Variants in CYP2A6 observed in about 807,000 individuals in gnomAD.
CYP2A6 encodes the protein cytochrome P450 2A6.
CYP2A6 carries 27 observed loss-of-function variants against 42.3 expected under a neutral mutation model. That is an observed-to-expected ratio of 0.64 (90% confidence interval 0.47 to 0.88). CYP2A6 has a LOEUF of 0.88. Among genes scored for constraint, CYP2A6 ranks in the 40% least tolerant of loss-of-function variants. CYP2A6 has a pLI of 0.00. For missense variants in CYP2A6, 628 were observed against 646.0 expected (o/e 0.97, Z 0.30); for synonymous variants, 238 against 246.3 (o/e 0.97, Z 0.31).
In CYP2A6 at chr19:40,845,500, T is replaced by C; in HGVS notation, c.974-19A>G. 1 of 1,610,676 alleles carries C rather than the reference T, an allele frequency of 6.2e-7. No homozygotes were observed. The highest frequency in any genetic ancestry group is 8.5e-7 in the Non-Finnish European group (1 of 1,179,244). ...ACCTTGGCTGGGGGAGGAGGGGGAA[T>C]GTGTTTAGGTATCTAGGGGTCTCAG... On this transcript the variant is annotated intron_variant, in intron 6 of 8. Coordinates refer to ENST00000301141, the MANE Select transcript of CYP2A6 (RefSeq NM_000762.6).
At chr19:40,844,087 T>G in intron 8 of CYP2A6, 110 bp from the exon 9 acceptor site, 1 of 1,474,072 alleles carries the variant, frequency 6.8e-7, no homozygotes, top group Non-Finnish European at 9.0e-7. Context: ...TGGAATATTA[T>G]GGCCTGAGAG....
intron 7 of CYP2A6, 62 bp from the exon 8 acceptor site, chr19:40,844,834 G>C: frequency 6.4e-7 from 1 of 1,554,642 alleles, no homozygotes; most frequent in South Asian, 1.2e-5. Flanking sequence ...AAAGTACACA[G>C]GGGCTGGAGG....
chr19:40,844,608 G>A (rs1365909729), intron 8 of CYP2A6, 23 bp downstream of exon 8: 1 of 1,611,196 alleles, frequency 6.2e-7, no homozygotes, highest in South Asian at 1.1e-5. Flanking sequence ...GCCGTGGCCT[G>A]GCAGCAAACA....
Position 40,845,850 on chromosome 19 carries a change from T to G in CYP2A6, c.973+106A>C, listed in dbSNP as rs537139773. 1.5e-4 allele frequency: 225 copies of G among 1,508,166 alleles called. 5 individuals carry two copies. The highest frequency in any genetic ancestry group is 7.0e-4 in the East Asian group (29 of 41,488). 93.4% of individuals were successfully genotyped at this position (1,508,166 alleles called of 1,614,324 possible). On this transcript the variant is annotated intron_variant, in intron 6 of 8. Coordinates refer to ENST00000301141, the MANE Select transcript of CYP2A6 (RefSeq NM_000762.6). Reference sequence around the variant, plus strand: ...TGTTGCCCTGTCTCTGGACAGCAAGTCACGTCTCAGGGTCCCGGGATCTGG... The same window carrying G: ...TGTTGCCCTGTCTCTGGACAGCAAGGCACGTCTCAGGGTCCCGGGATCTGG...
chr19:40,849,709 G>A (rs947362279), intron 2 of CYP2A6, 109 bp downstream of exon 2: 47 of 1,553,026 alleles, frequency 3.0e-5, no homozygotes, highest in Non-Finnish European at 4.0e-5. Flanking sequence ...AGACCAGACT[G>A]GGGACTCTGC....
rs1455643059 is a variant in CYP2A6, at chr19:40,844,675, T to A, written c.1259A>T (p.Lys420Met). The A allele has an allele frequency of 8.1e-6, 13 of 1,611,576 alleles. 1 individual carries two copies. In the African/African-American group the frequency reaches 1.1e-4, roughly 13 times the overall value. ...DFNPQHFLNE[K>M]GQFKKSDAFV... ...AGCATCACTCTTCTTAAACTGCCCC[T>A]TCTCATTCAGGAAGTGCTGGGGATT... The change falls in exon 8 of 9, where the codon AAG becomes ATG. Residue 420 changes from lysine to methionine, a missense_variant. Around this residue, in one of 2 missense-constraint regions of CYP2A6, gnomAD observed 606 missense variants for 568.1 expected, o/e 1.07. Transcript: ENST00000301141.
At position 40,844,806 on chromosome 19, in the gene CYP2A6, A is replaced by C. The variant is rs565746276; in HGVS notation, c.1162-34T>G. On this transcript the variant is annotated intron_variant, in intron 7 of 8. Coordinates refer to ENST00000301141, the MANE Select transcript of CYP2A6 (RefSeq NM_000762.6). Reference sequence around the variant, plus strand: ...GAGGAGGAAGTTGTGTGTGATGAGGAGGGTCGGGGGATTGGTGAAAGTACA... The same window carrying C: ...GAGGAGGAAGTTGTGTGTGATGAGGCGGGTCGGGGGATTGGTGAAAGTACA... 1.6e-4 allele frequency: 251 copies of C among 1,589,934 alleles called. 3 individuals carry two copies. In the South Asian group the frequency reaches 1.6e-3, roughly 10 times the overall value.
Position 40,844,672 on chromosome 19 carries a change from C to T in CYP2A6, c.1262G>A (p.Gly421Glu). The T allele has an allele frequency of 6.2e-7, 1 of 1,611,630 alleles. No homozygotes were observed. The highest frequency in any genetic ancestry group is 8.5e-7 in the Non-Finnish European group (1 of 1,179,870). The change falls in exon 8 of 9, where the codon GGG (glycine) becomes GAG (glutamate). Residue 421 changes from glycine to glutamate, a missense_variant. Gly to Glu is a moderately conservative substitution (Grantham distance 98). Around this residue, in one of 2 missense-constraint regions of CYP2A6, gnomAD observed 606 missense variants for 568.1 expected, o/e 1.07. Coordinates refer to ENST00000301141, the MANE Select transcript of CYP2A6 (RefSeq NM_000762.6). ...AAAAGCATCACTCTTCTTAAACTGC[C>T]CCTTCTCATTCAGGAAGTGCTGGGG... The part of the protein sequence containing the change: ...FNPQHFLNEK[G>E]QFKKSDAFVP...
chr19:40,848,705 G>T lies in CYP2A6; in HGVS notation c.402C>A (p.Thr134=). The change falls in exon 3 of 9, where the codon ACC becomes ACA. Residue 134 remains threonine (T), a synonymous_variant. Coordinates refer to ENST00000301141, the MANE Select transcript of CYP2A6 (RefSeq NM_000762.6). The part of the protein sequence containing the change: ...AKQLRRFSIA[T]LRDFGVGKRG... ...GCTTGCCCACCCCGAAGTCCCGCAG[G>T]GTGGCGATGGAGAAGCGCCGGAGCT... 1 of 1,611,926 alleles carries T rather than the reference G, an allele frequency of 6.2e-7. No homozygotes were observed. Among genetic ancestry groups the T allele is most frequent in the Non-Finnish European group, 8.5e-7 (1 of 1,179,898 alleles).
At chr19:40,846,735 G>C in intron 5 of CYP2A6, 140 bp downstream of exon 5, 1 of 1,335,866 alleles carries the variant, frequency 7.5e-7, no homozygotes, top group Admixed American at 2.6e-5. Flanking sequence ...CAGGCTGTTA[G>C]CCACGGCACC....
At position 40,844,790 on chromosome 19, in the gene CYP2A6, G is replaced by A. The variant is rs1891537588; in HGVS notation, c.1162-18C>T. 1.2e-5 allele frequency: 20 copies of A among 1,606,012 alleles called. No individual in the cohort carries two copies. Among genetic ancestry groups the A allele is most frequent in the Non-Finnish European group, 1.7e-5 (20 of 1,176,704 alleles). The stretch of plus-strand genomic sequence containing the variant: ...TCGGTGCCCTGGTAGGGAGGAGGAA[G>A]TTGTGTGTGATGAGGAGGGTCGGGG... On this transcript the variant is annotated intron_variant, in intron 7 of 8. Coordinates refer to ENST00000301141, the MANE Select transcript of CYP2A6 (RefSeq NM_000762.6).
intron 4 of CYP2A6, 55 bp downstream of exon 4, chr19:40,848,164 G>C (rs1967132752): frequency 1.3e-6 from 2 of 1,600,002 alleles, no homozygotes; most frequent in Non-Finnish European, 1.7e-6. Context: ...TCCAGGTAGG[G>C]GAGCAGTTGG....
At chr19:40,847,799 T>C (rs1275936629) in intron 4 of CYP2A6, among the ~76,000 whole-genome samples, 1 of 151,578 alleles carries the variant, frequency 6.6e-6, no homozygotes, top group Non-Finnish European at 1.5e-5. Context: ...TGTGAAATGA[T>C]TATGATGGGC....
At chr19:40,845,123 T>C in intron 7 of CYP2A6, 171 bp downstream of exon 7, 1 of 775,510 alleles carries the variant, frequency 1.3e-6, no homozygotes, top group Non-Finnish European at 2.1e-6. Context: ...GATGCAGGAC[T>C]CAGGAGTGTC....
chr19:40,846,795 T>G, intron 5 of CYP2A6, 80 bp downstream of exon 5: 4 of 1,561,632 alleles, frequency 2.6e-6, no homozygotes, highest in Admixed American at 1.8e-5. Flanking sequence ...AATGGGCCTG[T>G]GTCATCTGCC....
Position 40,845,340 on chromosome 19 carries a change from C to T in CYP2A6, c.1115G>A (p.Arg372His), listed in dbSNP as rs145036049. The T allele has an allele frequency of 6.2e-5, 100 of 1,611,554 alleles. 5 individuals are homozygous for T. The highest frequency in any genetic ancestry group is 4.2e-4 in the African/African-American group (31 of 74,626). ...AAACTTGGTGTCCTTTTTGACTCTG[C>T]GGGCCAAACTCATGGGGATCACGTC... ...FGDVIPMSLA[R>H]RVKKDTKFRD... Residue 372 changes from arginine to histidine, a missense_variant, in exon 7 of 9, where the codon CGC (arginine) becomes CAC (histidine). This residue lies in a region of CYP2A6 where 606 missense variants were observed against 568.1 expected (regional missense o/e 1.07). Coordinates refer to ENST00000301141, the MANE Select transcript of CYP2A6 (RefSeq NM_000762.6).
At chr19:40,848,188 G>C (rs757616281) in intron 4 of CYP2A6, 31 bp downstream of exon 4, 2 of 1,608,176 alleles carry the variant, frequency 1.2e-6, no homozygotes, top group South Asian at 2.2e-5. Flanking sequence ...GTTGTGGTAG[G>C]GGCGTCACGG....
At chr19:40,845,161 G>T in intron 7 of CYP2A6, 133 bp downstream of exon 7, 1 of 1,114,506 alleles carries the variant, frequency 9.0e-7, no homozygotes, top group Non-Finnish European at 1.3e-6. Context: ...CGGATGTGGT[G>T]GTTGGGGAAG....
At chr19:40,848,988 G>GGAGAGA (rs1967160074) in intron 2 of CYP2A6, among the ~76,000 whole-genome samples, 3 of 86,210 alleles carry the variant, frequency 3.5e-5, no homozygotes, top group African/African-American at 1.7e-4. Context: ...AGAGAGAGAG[G>GGAGAGA]AGAGAGAGAG....
Sources: allele counts gnomAD v4.1 joint callset (sites outside exome capture counted in the v4.1 genomes callset), GRCh38; gene constraint gnomAD v4.1.1; regional missense constraint gnomAD v4.1.1; transcripts MANE v1.5; gene names NCBI Gene and HGNC (gene_info 2026-07-23, HGNC 2026-07-21).